CNTN4: variants seen among roughly 807,000 people sequenced by gnomAD.
The protein encoded by CNTN4 is contactin 4.
A neutral mutation model predicts 122.5 loss-of-function variants in CNTN4; 77 were observed. That is an observed-to-expected ratio of 0.63 (90% CI 0.52 to 0.76). The LOEUF is 0.76. Ranked by LOEUF, CNTN4 falls within the 30% of genes least tolerant of loss-of-function variation. CNTN4 has a pLI of 0.00. For synonymous variants in CNTN4, 512 were observed against 447.0 expected, an observed-to-expected ratio of 1.15 and a Z score of -1.83; for missense variants, 1,256 against 1,259.1, an observed-to-expected ratio of 1.00 and a Z score of 0.04.
At chr3:2,900,928 A>C (rs2151132299) in intron 11 of CNTN4, 107 bp downstream of exon 11, 1 of 1,371,770 alleles carries the variant, frequency 7.3e-7, no homozygotes, top group South Asian at 1.2e-5. Context: ...AATAATATGC[A>C]ATGAAACAGC....
At chr3:2,191,972 A>T (rs2037588783) in intron 2 of CNTN4, among the ~76,000 whole-genome samples, 1 of 151,772 alleles carries the variant, frequency 6.6e-6, no homozygotes, top group African/African-American at 2.4e-5. Flanking sequence ...GAGTGAGAAC[A>T]TGCGGTGTTT....
chr3:2,659,128 A>G (rs2150267828), intron 4 of CNTN4, among the ~76,000 whole-genome samples: 1 of 152,222 alleles, frequency 6.6e-6, no homozygotes, highest in East Asian at 1.9e-4. Flanking sequence ...GACAGAATTG[A>G]TACTCTTTAT....
chr3:2,385,164 C>A lies in CNTN4; in HGVS notation c.-89+45931C>A, dbSNP rs892782440. 3.3e-5 allele frequency among the ~76,000 whole-genome samples: 5 copies of A among 152,124 alleles called. No individual in the cohort carries two copies. Among genetic ancestry groups the A allele is most frequent in the Non-Finnish European group, 5.9e-5 (4 of 68,020 alleles). On this transcript the variant is annotated intron_variant, in intron 3 of 24. Transcript: ENST00000418658. The surrounding 1 kb of genome is among the most constrained non-coding windows in gnomAD (Gnocchi z 4.0). ...TTCTACTTTAAACCATAATCCATAACTCATATCAACAAGGTTAATCCCAAA... is the reference window on the plus strand; with the variant it reads ...TTCTACTTTAAACCATAATCCATAAATCATATCAACAAGGTTAATCCCAAA...
chr3:2,936,121 C>G (rs1159163615), intron 13 of CNTN4, among the ~76,000 whole-genome samples: 1 of 152,190 alleles, frequency 6.6e-6, no homozygotes, highest in Non-Finnish European at 1.5e-5. Context: ...TGGGGCTTCA[C>G]ACTTCCTTTT....
intron 3 of CNTN4, among the ~76,000 whole-genome samples, chr3:2,341,475 A>G (rs1312777375): frequency 6.6e-6 from 1 of 152,202 alleles, no homozygotes; most frequent in Non-Finnish European, 1.5e-5. Context: ...GAAAGATTTA[A>G]TGACATCTTC....
chr3:2,424,787 G>A (rs558880021), intron 3 of CNTN4, among the ~76,000 whole-genome samples: 71 of 152,244 alleles, frequency 4.7e-4, no homozygotes, highest in African/African-American at 1.6e-3. Flanking sequence ...GTCTCATTGC[G>A]GTTTTGATTT....
At chr3:2,554,097 A>G (rs2078623623) in intron 3 of CNTN4, among the ~76,000 whole-genome samples, 1 of 152,148 alleles carries the variant, frequency 6.6e-6, no homozygotes, top group African/African-American at 2.4e-5. Context: ...TGTCTGGCCA[A>G]AATTAATCTT....
chr3:2,584,294 G>A (rs1187836055), intron 4 of CNTN4, among the ~76,000 whole-genome samples: 2 of 152,162 alleles, frequency 1.3e-5, no homozygotes, highest in African/African-American at 4.8e-5. Flanking sequence ...GAGGGAAAGA[G>A]AGAATGCCAT....
intron 4 of CNTN4, among the ~76,000 whole-genome samples, chr3:2,605,815 A>G (rs1273860667): frequency 3.3e-5 from 5 of 152,212 alleles, no homozygotes; most frequent in Admixed American, 3.3e-4. Flanking sequence ...GGGTTACAGC[A>G]GTTGGGTTTT....
At chr3:2,368,878 T>C (rs2045520581) in intron 3 of CNTN4, among the ~76,000 whole-genome samples, 1 of 152,182 alleles carries the variant, frequency 6.6e-6, no homozygotes, top group South Asian at 2.1e-4. Flanking sequence ...ACTTTCATTG[T>C]GTGTTGAGCT....
At chr3:2,987,174 G>C (rs573382587) in intron 13 of CNTN4, among the ~76,000 whole-genome samples, 1 of 152,300 alleles carries the variant, frequency 6.6e-6, no homozygotes, top group East Asian at 1.9e-4. Flanking sequence ...AAATACTCTG[G>C]AATATGCAGA....
At chr3:2,898,624 G>A (rs2094140165) in intron 10 of CNTN4, among the ~76,000 whole-genome samples, 1 of 152,194 alleles carries the variant, frequency 6.6e-6, no homozygotes, top group Admixed American at 6.5e-5. Context: ...AAGTGTTACA[G>A]GAAATCTATG....
chr3:2,543,839 A>C lies in CNTN4; in HGVS notation c.-88-27577A>C, dbSNP rs80196339. ...TTTAAGTTGTTTTAAGTGCTGTTTT[A>C]CTTGCATATATTAAGACAAATATTA... On this transcript the variant is annotated intron_variant, in intron 3 of 24. Coordinates refer to ENST00000418658, the MANE Select transcript of CNTN4 (RefSeq NM_175607.3). Among the ~76,000 whole-genome samples the C allele has an allele frequency of 5.5e-3, 841 of 152,222 alleles. 7 individuals carry two copies. The highest frequency in any genetic ancestry group is 0.019 in the African/African-American group (787 of 41,556).
At chr3:2,726,090 A>C (rs141730469) in intron 4 of CNTN4, among the ~76,000 whole-genome samples, 1 of 152,258 alleles carries the variant, frequency 6.6e-6, no homozygotes, top group African/African-American at 2.4e-5. Flanking sequence ...GTCTGTCCCT[A>C]TCCTTTAATT....
At chr3:2,533,544 A>G (rs2077681333) in intron 3 of CNTN4, among the ~76,000 whole-genome samples, 1 of 152,272 alleles carries the variant, frequency 6.6e-6, no homozygotes, top group East Asian at 1.9e-4. Context: ...ATTGATGGAC[A>G]TTTGGGTTGG....
rs1283525732 is a variant in CNTN4, at chr3:2,781,888, T to C, written c.358+36191T>C. 9.4e-5 allele frequency among the ~76,000 whole-genome samples: 11 copies of C among 117,068 alleles called. 1 individual carries two copies. The highest frequency in any genetic ancestry group is 1.7e-4 in the Admixed American group (2 of 11,590). The allele number at this position is 117,068 out of a possible 152,430, so 76.8% of individuals were successfully genotyped here. ...TGCAGGCGCCCGCACCACGCCCGGC[T>C]AATTTTTTGTATTTTTAGTAGAGAC... On this transcript the variant is annotated intron_variant, in intron 6 of 24. Transcript: ENST00000418658.
chr3:2,428,103 A>T (rs929666192), intron 3 of CNTN4, among the ~76,000 whole-genome samples: 3 of 152,138 alleles, frequency 2.0e-5, no homozygotes, highest in Admixed American at 6.5e-5. Context: ...TGTGAATTTG[A>T]TCCTGTCATT....
chr3:2,323,563 T>C (rs1145042), intron 2 of CNTN4, among the ~76,000 whole-genome samples: 126,155 of 152,072 alleles, frequency 0.83, 52,823 homozygotes, highest in East Asian at 1. Context: ...TTCTTTTTTG[T>C]AGTCAAGTTG....
intron 4 of CNTN4, among the ~76,000 whole-genome samples, chr3:2,603,133 A>G (rs1451845046): frequency 2.0e-5 from 3 of 151,880 alleles, no homozygotes; most frequent in African/African-American, 7.3e-5. Context: ...AAAATTTCTG[A>G]GAATTTTGTT....
Sources: gnomAD v4.1 joint callset for allele counts (sites outside exome capture counted in the v4.1 genomes callset) on GRCh38, gnomAD v4.1.1 for gene constraint, Gnocchi (gnomAD v3.1) non-coding constraint, MANE v1.5 for transcripts, NCBI Gene and HGNC (gene_info 2026-07-23, HGNC 2026-07-21) for gene names.